The following EFNA5 variants were observed in gnomAD, a reference collection of about 807,000 sequenced individuals.
The protein encoded by EFNA5 is ephrin-A5.
Under a neutral mutation model 22.9 loss-of-function variants are expected in EFNA5, and 5 were observed. The ratio of observed to expected loss-of-function variants is 0.22; its 90% CI spans 0.11 to 0.46. The LOEUF (loss-of-function observed/expected upper bound fraction) is 0.46. Ranked by LOEUF, EFNA5 falls within the 20% of genes least tolerant of loss-of-function variation. The pLI, the probability that EFNA5 is intolerant of heterozygous loss-of-function variation, is 0.99. For missense variants in EFNA5, 237 were observed against 293.3 expected, an observed-to-expected ratio of 0.81 and a Z score of 1.40; for synonymous variants, 113 against 112.2, an observed-to-expected ratio of 1.01 and a Z score of -0.04.
At chr5:107,437,592 A>G (rs1045100742) in intron 1 of EFNA5, among the ~76,000 whole-genome samples, 1 of 152,196 alleles carries the variant, frequency 6.6e-6, no homozygotes, top group Non-Finnish European at 1.5e-5. Context: ...TTTATTTTTT[A>G]CGTATAGATC....
At chr5:107,602,625 C>G (rs886486958) in intron 1 of EFNA5, among the ~76,000 whole-genome samples, 3 of 152,156 alleles carry the variant, frequency 2.0e-5, no homozygotes, top group South Asian at 2.1e-4. Context: ...CTCCATCCCC[C>G]AAACACCTCA....
intron 1 of EFNA5, among the ~76,000 whole-genome samples, chr5:107,585,539 A>G (rs1561440923): frequency 6.6e-6 from 1 of 152,204 alleles, no homozygotes; most frequent in Non-Finnish European, 1.5e-5. Context: ...ACCTGTGAAT[A>G]GCACCCATTT....
intron 1 of EFNA5, among the ~76,000 whole-genome samples, chr5:107,433,882 C>T (rs1298649852): frequency 6.9e-6 from 1 of 144,732 alleles, no homozygotes; most frequent in Non-Finnish European, 1.5e-5. Context: ...GCCTGGGCAA[C>T]AGAGCAAGAC....
chr5:107,589,724 T>C (rs1749277352), intron 1 of EFNA5, among the ~76,000 whole-genome samples: 1 of 152,180 alleles, frequency 6.6e-6, no homozygotes, highest in South Asian at 2.1e-4. Flanking sequence ...CAGCATCCTT[T>C]AACACTCTTT....
intron 1 of EFNA5, among the ~76,000 whole-genome samples, chr5:107,434,719 A>G (rs759942889): frequency 5.3e-5 from 8 of 152,326 alleles, no homozygotes; most frequent in Admixed American, 2.0e-4. Flanking sequence ...GTGTTATTAG[A>G]GGTTAGGAAG....
At chr5:107,563,544 C>T (rs1262529360) in intron 1 of EFNA5, among the ~76,000 whole-genome samples, 1 of 151,104 alleles carries the variant, frequency 6.6e-6, no homozygotes, top group Non-Finnish European at 1.5e-5. Context: ...TCAAATGTTC[C>T]TTCTGCCTCA....
Position 107,470,863 on chromosome 5 carries a change from T to TC in EFNA5, c.126-43355dup, listed in dbSNP as rs1425484520. ...CTAGGCAAAATAGCAAGACCTTATC[T>TC]CTAAAAAAAATTAAAAATAAAAATA... On this transcript the variant is annotated intron_variant, in intron 1 of 4. Coordinates refer to ENST00000333274, the MANE Select transcript of EFNA5 (RefSeq NM_001962.3). 2.3e-5 allele frequency among the ~76,000 whole-genome samples: 3 copies of TC among 130,806 alleles called. No homozygotes were observed. In the Admixed American group the frequency reaches 2.6e-4, roughly 11 times the overall value. 85.8% of individuals were successfully genotyped at this position (130,806 alleles called of 152,430 possible). A position where few individuals can be genotyped will look rare whatever the true frequency, so the allele number is the denominator to read the frequency against.
intron 2 of EFNA5, among the ~76,000 whole-genome samples, chr5:107,414,081 G>C (rs974874199): frequency 6.6e-6 from 1 of 152,086 alleles, no homozygotes; most frequent in African/African-American, 2.4e-5. Context: ...CAATGTTCTC[G>C]AAGTGTGGTA....
At chr5:107,584,473 C>T (rs1192277782) in intron 1 of EFNA5, among the ~76,000 whole-genome samples, 2 of 152,292 alleles carry the variant, frequency 1.3e-5, no homozygotes, top group African/African-American at 2.4e-5. Flanking sequence ...TATATATTCC[C>T]TAAATTTATT....
chr5:107,411,743 C>T (rs1236831390), intron 2 of EFNA5, among the ~76,000 whole-genome samples: 4 of 152,122 alleles, frequency 2.6e-5, no homozygotes, highest in African/African-American at 9.7e-5. Flanking sequence ...ATGGCCATCA[C>T]GCCTGGCTAT....
intron 1 of EFNA5, among the ~76,000 whole-genome samples, chr5:107,444,126 A>G (rs1333408629): frequency 2.0e-5 from 3 of 152,208 alleles, no homozygotes; most frequent in Non-Finnish European, 4.4e-5. Flanking sequence ...TAAGTGGTTC[A>G]GAACAGTTTC....
chr5:107,511,807 A>AC (rs1747375118), intron 1 of EFNA5, among the ~76,000 whole-genome samples: 1 of 151,900 alleles, frequency 6.6e-6, no homozygotes, highest in Non-Finnish European at 1.5e-5. Context: ...TTTCTTAAAA[A>AC]AAACCTGACT....
At chr5:107,537,036 C>T (rs998607983) in intron 1 of EFNA5, among the ~76,000 whole-genome samples, 3 of 150,520 alleles carry the variant, frequency 2.0e-5, no homozygotes, top group African/African-American at 7.3e-5. Context: ...ACCCAGGAGG[C>T]GGAGGTTGCA....
intron 1 of EFNA5, among the ~76,000 whole-genome samples, chr5:107,489,257 G>A (rs528715212): frequency 3.9e-4 from 59 of 152,000 alleles, no homozygotes; most frequent in East Asian, 3.9e-4. Flanking sequence ...CACTGCAACC[G>A]CCGCCTTCCA....
chr5:107,641,321 G>A (rs190886956), intron 1 of EFNA5, among the ~76,000 whole-genome samples: 9 of 151,038 alleles, frequency 6.0e-5, no homozygotes, highest in East Asian at 3.9e-4. Context: ...CTGTACCACC[G>A]CACTCCAGCC....
chr5:107,473,849 TG>T (rs1489030762), intron 1 of EFNA5, among the ~76,000 whole-genome samples: 3 of 151,936 alleles, frequency 2.0e-5, no homozygotes, highest in African/African-American at 7.3e-5. Flanking sequence ...TTAGTAGAGA[TG>T]GGGTTCCACC....
intron 1 of EFNA5, among the ~76,000 whole-genome samples, chr5:107,601,606 C>G (rs1333353234): frequency 6.6e-6 from 1 of 152,044 alleles, no homozygotes; most frequent in Non-Finnish European, 1.5e-5. Flanking sequence ...AATAAAAGTC[C>G]TTAAGAGTTA....
intron 1 of EFNA5, among the ~76,000 whole-genome samples, chr5:107,437,317 G>C (rs181438680): frequency 6.6e-6 from 1 of 152,306 alleles, no homozygotes; most frequent in Non-Finnish European, 1.5e-5. Flanking sequence ...AGCAGAAATT[G>C]TGGCTGTTTC....
intron 1 of EFNA5, among the ~76,000 whole-genome samples, chr5:107,551,334 C>T (rs893256399): frequency 2.6e-5 from 4 of 152,166 alleles, no homozygotes; most frequent in African/African-American, 4.8e-5. Context: ...GTGGGCTACA[C>T]GATCTCTGCC....
Sources: allele counts gnomAD v4.1 joint callset (sites outside exome capture counted in the v4.1 genomes callset), GRCh38; gene constraint gnomAD v4.1.1; transcripts MANE v1.5; gene names NCBI Gene and HGNC (gene_info 2026-07-23, HGNC 2026-07-21).